FRMD4A: variants seen among roughly 807,000 people sequenced by gnomAD.
FRMD4A encodes the protein FERM domain-containing protein 4A.
FRMD4A carries 29 observed loss-of-function variants against 129.1 expected under a neutral mutation model. That is an observed-to-expected ratio of 0.22 (90% CI 0.17 to 0.31). The LOEUF (loss-of-function observed/expected upper bound fraction) is 0.31. FRMD4A is among the 10% of genes least tolerant of loss of function. FRMD4A has a pLI of 1.00. For synonymous variants in FRMD4A, 634 were observed against 571.6 expected, an observed-to-expected ratio of 1.11 and a Z score of -1.56; for missense variants, 1,272 against 1,375.8, an observed-to-expected ratio of 0.92 and a Z score of 1.19.
intron 2 of FRMD4A, chr10:14,087,643 G>C (rs1402717995): frequency 6.6e-6 from 1 of 152,154 alleles, no homozygotes. Flanking sequence ...CCAGCCTTCT[G>C]AGTTGAAGAA....
chr10:13,712,443 G>A (rs1323900522), intron 12 of FRMD4A, among the ~76,000 whole-genome samples: 1 of 151,742 alleles, frequency 6.6e-6, no homozygotes, highest in Non-Finnish European at 1.5e-5. Context: ...GTACCCAGGA[G>A]ACGGAGGTTG....
At chr10:14,051,502 T>C (rs1834258125) in intron 2 of FRMD4A, among the ~76,000 whole-genome samples, 1 of 152,240 alleles carries the variant, frequency 6.6e-6, no homozygotes, top group African/African-American at 2.4e-5. Flanking sequence ...CAGCTTGTTC[T>C]CTGTACTCTG....
At chr10:13,850,016 AAAAT>A (rs1366317309) in intron 3 of FRMD4A, among the ~76,000 whole-genome samples, 2 of 151,954 alleles carry the variant, frequency 1.3e-5, no homozygotes, top group African/African-American at 4.8e-5. Flanking sequence ...TAAAAATAAA[AAAAT>A]AAGCTGTGGG....
At chr10:14,262,493 A>C (rs1844840249) in intron 2 of FRMD4A, among the ~76,000 whole-genome samples, 1 of 152,186 alleles carries the variant, frequency 6.6e-6, no homozygotes, top group African/African-American at 2.4e-5. Context: ...AAGGCACTGG[A>C]ATGCAAGTAT....
At chr10:14,142,122 T>G (rs964361561) in intron 2 of FRMD4A, among the ~76,000 whole-genome samples, 1 of 150,730 alleles carries the variant, frequency 6.6e-6, no homozygotes, top group Non-Finnish European at 1.5e-5. Flanking sequence ...CATTTTTATT[T>G]TAAAAAAAAA....
intron 2 of FRMD4A, among the ~76,000 whole-genome samples, chr10:14,206,056 C>G (rs1304539896): frequency 6.6e-6 from 1 of 152,138 alleles, no homozygotes; most frequent in East Asian, 1.9e-4. Context: ...CATGGGCCAG[C>G]CCCCTTGTCA....
chr10:13,831,721 T>C (rs776821207), intron 3 of FRMD4A, among the ~76,000 whole-genome samples: 8 of 152,176 alleles, frequency 5.3e-5, no homozygotes, highest in Non-Finnish European at 1.2e-4. Flanking sequence ...CTTCCACACG[T>C]CCACTGTGCA....
intron 2 of FRMD4A, among the ~76,000 whole-genome samples, chr10:14,009,067 C>A (rs17154355): frequency 0.2 from 30,680 of 152,168 alleles, 3,527 homozygotes; most frequent in East Asian, 0.45. Context: ...TCGTTTTACA[C>A]GGCTGTGTCG....
intron 2 of FRMD4A, among the ~76,000 whole-genome samples, chr10:14,258,788 C>A (rs1844701964): frequency 6.6e-6 from 1 of 152,130 alleles, no homozygotes; most frequent in Admixed American, 6.5e-5. Flanking sequence ...AATGGTTGAA[C>A]AGATAAACAA....
intron 2 of FRMD4A, among the ~76,000 whole-genome samples, chr10:13,975,255 C>T (rs2131392404): frequency 6.6e-6 from 1 of 151,444 alleles, no homozygotes. Context: ...CTCTGAGCCT[C>T]TATGTATGTG....
chr10:14,251,774 A>G (rs1468402456), intron 2 of FRMD4A, among the ~76,000 whole-genome samples: 1 of 152,166 alleles, frequency 6.6e-6, no homozygotes, highest in Non-Finnish European at 1.5e-5. Flanking sequence ...ATCAGGATGA[A>G]CCCAGAGGCA....
At chr10:14,301,088 T>C (rs571694935) in intron 2 of FRMD4A, among the ~76,000 whole-genome samples, 3 of 152,294 alleles carry the variant, frequency 2.0e-5, no homozygotes, top group Admixed American at 2.0e-4. Context: ...AAACTCTAGA[T>C]AGTAAAGATC....
At chr10:14,214,767 A>C (rs140405761) in intron 2 of FRMD4A, among the ~76,000 whole-genome samples, 5 of 152,334 alleles carry the variant, frequency 3.3e-5, no homozygotes, top group African/African-American at 1.2e-4. Context: ...GGGTAGAACA[A>C]AAATTGTAGC....
chr10:14,200,512 C>T (rs1011456303), intron 2 of FRMD4A, among the ~76,000 whole-genome samples: 1 of 152,112 alleles, frequency 6.6e-6, no homozygotes, highest in African/African-American at 2.4e-5. Context: ...AGGCTGATCT[C>T]GAACTCCTGA....
intron 12 of FRMD4A, among the ~76,000 whole-genome samples, chr10:13,722,311 A>C (rs2089487617): frequency 6.8e-6 from 1 of 147,582 alleles, no homozygotes; most frequent in Admixed American, 7.0e-5. Context: ...AGCTCACTGC[A>C]GCCTCGAATT....
chr10:13,849,873 G>C (rs754817288), intron 3 of FRMD4A, among the ~76,000 whole-genome samples: 1 of 151,930 alleles, frequency 6.6e-6, no homozygotes, highest in Middle Eastern at 3.4e-3. Context: ...CCTGTGCATA[G>C]AGAATCCAAG....
chr10:14,112,053 T>C (rs1303506795), intron 2 of FRMD4A, among the ~76,000 whole-genome samples: 1 of 151,378 alleles, frequency 6.6e-6, no homozygotes, highest in African/African-American at 2.4e-5. Flanking sequence ...AATGATGAAA[T>C]AGCTTTATGG....
At chr10:14,129,405 TATAA>T (rs751973578) in intron 2 of FRMD4A, among the ~76,000 whole-genome samples, 2,380 of 123,864 alleles carry the variant, frequency 0.019, 92 homozygotes, top group African/African-American at 0.045. Context: ...TATATATATA[TATAA>T]AAAATATGAG....
intron 2 of FRMD4A, among the ~76,000 whole-genome samples, chr10:13,966,311 A>T (rs1224207657): frequency 6.6e-6 from 1 of 151,948 alleles, no homozygotes; most frequent in Admixed American, 6.6e-5. Context: ...ATTTTTAATG[A>T]TTTTCCTTTT....
Sources: allele counts gnomAD v4.1 joint callset (sites outside exome capture counted in the v4.1 genomes callset), GRCh38; gene constraint gnomAD v4.1.1; transcripts MANE v1.5; gene names NCBI Gene and HGNC (gene_info 2026-07-23, HGNC 2026-07-21).